Variants in CDCA7L observed in about 807,000 individuals in gnomAD.
CDCA7L encodes cell division cycle associated 7 like.
In CDCA7L, 44 loss-of-function variants were observed where a neutral mutation model predicts 57.4. The observed-to-expected ratio is 0.77, with a 90% confidence interval of 0.60 to 0.98. CDCA7L has a LOEUF of 0.98. Ranked by LOEUF, CDCA7L falls within the 50% of genes least tolerant of loss-of-function variation. The probability of loss-of-function intolerance (pLI) is 0.00; values close to 1 mark genes in which losing one functional copy is unlikely to be tolerated. For missense variants in CDCA7L, 644 were observed against 580.6 expected, an observed-to-expected ratio of 1.11 and a Z score of -1.12; for synonymous variants, 236 against 202.8, an observed-to-expected ratio of 1.16 and a Z score of -1.39.
At chr7:21,904,392 C>T (rs1195632653) in intron 7 of CDCA7L, 133 bp from the exon 8 acceptor site, 4 of 929,580 alleles carry the variant, frequency 4.3e-6, no homozygotes, top group Admixed American at 6.6e-5. Flanking sequence ...GACTGTTTTC[C>T]TAAGAACCAC....
In CDCA7L at chr7:21,901,009, G is replaced by C; in HGVS notation, c.*1313C>G. 1.9e-6 allele frequency: 3 copies of C among 1,586,438 alleles called. No individual in the cohort carries two copies. Among genetic ancestry groups the C allele is most frequent in the Non-Finnish European group, 2.6e-6 (3 of 1,166,466 alleles). ...CAACCGCTGTGTTTTTGCCATAGGC[G>C]CCCGCTGGGACACCCAAGCAGGAAC... On this transcript the variant is annotated 3_prime_UTR_variant, in exon 10 of 10. Transcript: ENST00000406877.
intron 9 of CDCA7L, 152 bp downstream of exon 9, chr7:21,902,826 T>C: frequency 1.5e-6 from 1 of 682,632 alleles, no homozygotes. Context: ...GCCTGAGCTT[T>C]TCCAATGCAA....
chr7:21,937,098 GA>G (rs1562637480), intron 1 of CDCA7L, among the ~76,000 whole-genome samples: 1 of 151,912 alleles, frequency 6.6e-6, no homozygotes, highest in African/African-American at 2.4e-5. Flanking sequence ...CCAAAAAGGC[GA>G]AAAAAGCCTT....
intron 2 of CDCA7L, among the ~76,000 whole-genome samples, chr7:21,912,220 T>C (rs775061734): frequency 1.1e-4 from 16 of 152,060 alleles, no homozygotes; most frequent in Non-Finnish European, 1.9e-4. Context: ...TGCACACCAA[T>C]GCACTCCAGC....
intron 9 of CDCA7L, 97 bp downstream of exon 9, chr7:21,902,881 A>C (rs1453430526): frequency 3.5e-6 from 4 of 1,129,540 alleles, no homozygotes; most frequent in Non-Finnish European, 5.2e-6. Flanking sequence ...TAAGTAAGTA[A>C]GTCACACGGG....
At chr7:21,927,822 G>T (rs999552887) in intron 1 of CDCA7L, among the ~76,000 whole-genome samples, 1 of 152,238 alleles carries the variant, frequency 6.6e-6, no homozygotes, top group Admixed American at 6.5e-5. Flanking sequence ...CCAGTCAGGG[G>T]TTTACAGATA....
intron 1 of CDCA7L, among the ~76,000 whole-genome samples, chr7:21,925,886 A>C (rs1463973895): frequency 6.6e-6 from 1 of 152,108 alleles, no homozygotes; most frequent in Non-Finnish European, 1.5e-5. Flanking sequence ...CAATTAAAGA[A>C]GAAAAAAAAA....
In CDCA7L at chr7:21,902,169, GCATATAAA is replaced by G. The variant is rs1296327889; in HGVS notation, c.*145_*152del. Reference sequence around the variant, plus strand: ...CTGTCTTCCTGAGAAATCTTTGTAAGCATATAAACAATCTTTAACAAAAAATAGTAATT... The same window carrying G: ...CTGTCTTCCTGAGAAATCTTTGTAAGCAATCTTTAACAAAAAATAGTAATT... On this transcript the variant is annotated 3_prime_UTR_variant, in exon 10 of 10. Transcript: ENST00000406877. 1.4e-6 allele frequency: 1 copy of G among 733,546 alleles called. No homozygotes were observed. The allele number at this position is 733,546 out of a possible 1,614,324, so 45.4% of individuals were successfully genotyped here. A position where few individuals can be genotyped will look rare whatever the true frequency, so the allele number is the denominator to read the frequency against.
At chr7:21,936,103 C>T (rs960835823) in intron 1 of CDCA7L, among the ~76,000 whole-genome samples, 4 of 151,828 alleles carry the variant, frequency 2.6e-5, no homozygotes, top group African/African-American at 7.3e-5. Context: ...GGATAAATCC[C>T]GAGAAACAAA....
intron 1 of CDCA7L, among the ~76,000 whole-genome samples, chr7:21,931,522 A>G (rs1487524833): frequency 2.6e-5 from 4 of 152,244 alleles, no homozygotes; most frequent in Admixed American, 6.5e-5. Flanking sequence ...ACCAATGACA[A>G]AAACCACATG....
At position 21,901,356 on chromosome 7, in the gene CDCA7L, TCACACGTG is replaced by T; in HGVS notation, c.*958_*965del. On this transcript the variant is annotated 3_prime_UTR_variant, in exon 10 of 10. Transcript: ENST00000406877. Reference sequence around the variant, plus strand: ...CACATTATTCTAACTTTTTAGTAACTCACACGTGCATTCTTTTTTCAACGCTATCCTTA... The same window carrying T: ...CACATTATTCTAACTTTTTAGTAACTCATTCTTTTTTCAACGCTATCCTTA... 1 of 1,391,336 alleles carries T rather than the reference TCACACGTG, an allele frequency of 7.2e-7. No individual in the cohort carries two copies. The allele number at this position is 1,391,336 out of a possible 1,614,324, so 86.2% of individuals were successfully genotyped here.
chr7:21,945,484 G>A (rs1786492502), intron 1 of CDCA7L, among the ~76,000 whole-genome samples: 1 of 152,144 alleles, frequency 6.6e-6, no homozygotes, highest in Admixed American at 6.5e-5. Flanking sequence ...CGCAGGCGCT[G>A]CGCCCCGCTA....
In CDCA7L at chr7:21,941,416, T is replaced by C. The variant is rs142954629; in HGVS notation, c.24+4365A>G. Among the ~76,000 whole-genome samples the C allele has an allele frequency of 2.0e-5, 3 of 152,302 alleles. No individual in the cohort carries two copies. The East Asian group carries it at 5.8e-4, about 29-fold the overall frequency. On this transcript the variant is annotated intron_variant, in intron 1 of 9. Coordinates refer to ENST00000406877, the MANE Select transcript of CDCA7L (RefSeq NM_018719.5). ...CTACAGGCAAACACTTCATGGAAACTGCAGAAAATGGGGCACGGAGAGTAG... is the reference window on the plus strand; with the variant it reads ...CTACAGGCAAACACTTCATGGAAACCGCAGAAAATGGGGCACGGAGAGTAG...
intron 9 of CDCA7L, 72 bp from the exon 10 acceptor site, chr7:21,902,424 C>G: frequency 2.1e-6 from 3 of 1,408,038 alleles, no homozygotes; most frequent in Non-Finnish European, 3.0e-6. Flanking sequence ...TTGAGAGATT[C>G]CACAATCATC....
At chr7:21,905,269 C>T (rs929352607) in intron 7 of CDCA7L, among the ~76,000 whole-genome samples, 4 of 152,002 alleles carry the variant, frequency 2.6e-5, no homozygotes, top group African/African-American at 7.2e-5. Context: ...TAAACTATAC[C>T]GTTCCCTTCC....
chr7:21,913,020 T>C (rs916315080), intron 2 of CDCA7L, among the ~76,000 whole-genome samples: 2 of 152,100 alleles, frequency 1.3e-5, no homozygotes, highest in African/African-American at 4.8e-5. Flanking sequence ...CCCAGTTTCC[T>C]CTGACGTCTC....
chr7:21,910,735 C>A (rs997618349), intron 3 of CDCA7L, among the ~76,000 whole-genome samples: 3 of 152,130 alleles, frequency 2.0e-5, no homozygotes, highest in African/African-American at 7.2e-5. Context: ...ATAAAACAAA[C>A]AAATAACTAA....
At chr7:21,928,043 A>C (rs996595497) in intron 1 of CDCA7L, among the ~76,000 whole-genome samples, 8 of 152,206 alleles carry the variant, frequency 5.3e-5, no homozygotes, top group Non-Finnish European at 8.8e-5. Context: ...GCAGGGGTCA[A>C]CAGACACCTC....
chr7:21,932,231 G>A (rs529435139), intron 1 of CDCA7L, among the ~76,000 whole-genome samples: 2 of 152,262 alleles, frequency 1.3e-5, no homozygotes, highest in African/African-American at 4.8e-5. Flanking sequence ...ACTGCCCAAA[G>A]TAATTTATAG....
Sources: gnomAD v4.1 joint callset for allele counts (sites outside exome capture counted in the v4.1 genomes callset) on GRCh38, gnomAD v4.1.1 for gene constraint, MANE v1.5 for transcripts, NCBI Gene and HGNC (gene_info 2026-07-23, HGNC 2026-07-21) for gene names.